RBM20: variants seen among roughly 807,000 people sequenced by gnomAD.
RBM20 encodes RNA binding motif protein 20.
In RBM20, 51 loss-of-function variants were observed where a neutral mutation model predicts 110.1. The observed-to-expected ratio is 0.46, with a 90% CI of 0.37 to 0.59. The LOEUF is 0.59. RBM20 is among the 20% of genes least tolerant of loss of function. RBM20 has a pLI of 0.00. For synonymous variants in RBM20, 589 were observed against 618.2 expected (o/e 0.95, Z 0.70); for missense variants, 1,512 against 1,574.9 (o/e 0.96, Z 0.68).
intron 1 of RBM20, among the ~76,000 whole-genome samples, chr10:110,752,947 T>A (rs12247124): frequency 0.047 from 4,315 of 90,874 alleles, 57 homozygotes; most frequent in African/African-American, 0.081. Context: ...ATATATATAT[T>A]TTTTTTTTTT....
chr10:110,707,518 A>G (rs1338021477), intron 1 of RBM20, among the ~76,000 whole-genome samples: 1 of 152,234 alleles, frequency 6.6e-6, no homozygotes, highest in Non-Finnish European at 1.5e-5. Context: ...CACAGAATGA[A>G]TGGTTTTAAA....
intron 1 of RBM20, among the ~76,000 whole-genome samples, chr10:110,743,280 T>C (rs1276085843): frequency 1.3e-5 from 2 of 152,350 alleles, no homozygotes; most frequent in East Asian, 3.9e-4. Context: ...TAAATCAATT[T>C]CTGTTTTGCA....
At position 110,781,776 on chromosome 10, in the gene RBM20, A is replaced by G; in HGVS notation, c.1167A>G (p.Leu389=). 5 of 1,551,812 alleles carry G rather than the reference A, an allele frequency of 3.2e-6. No individual in the cohort carries two copies. The highest frequency in any genetic ancestry group is 2.4e-5 in the East Asian group (1 of 40,922). Residue 389 remains leucine, a synonymous_variant, in exon 2 of 14, where the codon CTA becomes CTG. Coordinates refer to ENST00000369519, the MANE Select transcript of RBM20 (RefSeq NM_001134363.3). ...GGGCCAAGGAGGACCAGGCGTTGCTATCTGTGCGGCCCCTGCAGGCTCATG... is the reference window on the plus strand; with the variant it reads ...GGGCCAAGGAGGACCAGGCGTTGCTGTCTGTGCGGCCCCTGCAGGCTCATG... ...GRRAKEDQAL[L]SVRPLQAHEL...
Position 110,780,966 on chromosome 10 carries a change from C to G in RBM20, c.357C>G (p.Val119=), listed in dbSNP as rs1844331511. 6.4e-7 allele frequency: 1 copy of G among 1,551,628 alleles called. No individual in the cohort carries two copies. Among genetic ancestry groups the G allele is most frequent in the African/African-American group, 1.4e-5 (1 of 73,050 alleles). ...AVTNNTAAAT[V]LNQVLSKVAM... The stretch of plus-strand genomic sequence containing the variant: ...CCAACAACACTGCAGCCGCCACAGT[C>G]CTGAACCAAGTCCTCTCCAAAGTGG... Residue 119 remains valine (V), a synonymous_variant, in exon 2 of 14, where the codon GTC becomes GTG. Transcript: ENST00000369519.
chr10:110,801,069 T>C (rs1472113506), intron 7 of RBM20, among the ~76,000 whole-genome samples: 1 of 152,208 alleles, frequency 6.6e-6, no homozygotes, highest in African/African-American at 2.4e-5. Context: ...TACCTCAACT[T>C]TCCTAGATGA....
intron 4 of RBM20, 83 bp downstream of exon 4, chr10:110,784,515 G>C: frequency 9.8e-7 from 1 of 1,020,278 alleles, no homozygotes; most frequent in South Asian, 1.4e-5. Context: ...TAATAACCAG[G>C]ACTTCCCTGA....
upstream of RBM20, among the ~76,000 whole-genome samples, chr10:110,644,034 C>A (rs1001293874): frequency 1.4e-4 from 21 of 152,172 alleles, no homozygotes; most frequent in Admixed American, 2.6e-4. This position sits in a 1 kb window ranked among gnomAD's most constrained non-coding sequence, Gnocchi z 4.3. Flanking sequence ...CCGCGGGCTG[C>A]GTGTGTCGCC....
At chr10:110,770,908 G>A (rs1236357341) in intron 1 of RBM20, among the ~76,000 whole-genome samples, 2 of 152,192 alleles carry the variant, frequency 1.3e-5, no homozygotes, top group African/African-American at 2.4e-5. Context: ...AAGGAAAAAC[G>A]TGACAAGAAG....
At position 110,817,094 on chromosome 10, in the gene RBM20, G is replaced by A. The variant is rs529798225; in HGVS notation, c.2551-2978G>A. Among the ~76,000 whole-genome samples the A allele has an allele frequency of 4.6e-5, 7 of 152,312 alleles. No homozygotes were observed. In the South Asian group the frequency reaches 1.5e-3, roughly 32 times the overall value. On this transcript the variant is annotated intron_variant, in intron 9 of 13. Transcript: ENST00000369519. The stretch of plus-strand genomic sequence containing the variant: ...AAGAAACACTGCTACATCCTACTGG[G>A]AGGGAGGGTTCGAGAGTGGCAGGCC...
At chr10:110,735,835 A>G (rs1843665090) in intron 1 of RBM20, among the ~76,000 whole-genome samples, 1 of 152,200 alleles carries the variant, frequency 6.6e-6, no homozygotes. Flanking sequence ...ATTAACATGT[A>G]TCTTAGTAGG....
chr10:110,817,762 T>G (rs1364232053), intron 9 of RBM20, among the ~76,000 whole-genome samples: 1 of 152,192 alleles, frequency 6.6e-6, no homozygotes, highest in African/African-American at 2.4e-5. Flanking sequence ...GAGTATTGAC[T>G]GGGTGAAAAG....
At chr10:110,746,084 G>C (rs1156603933) in intron 1 of RBM20, among the ~76,000 whole-genome samples, 1 of 152,144 alleles carries the variant, frequency 6.6e-6, no homozygotes, top group African/African-American at 2.4e-5. Context: ...GTTTGGTAGC[G>C]ATTCGGCTGG....
At chr10:110,701,229 A>G (rs372665063) in intron 1 of RBM20, among the ~76,000 whole-genome samples, 6 of 151,988 alleles carry the variant, frequency 3.9e-5, no homozygotes, top group African/African-American at 1.4e-4. Context: ...TCTTTCTCAA[A>G]ATTACAGATT....
intron 1 of RBM20, among the ~76,000 whole-genome samples, chr10:110,751,912 C>A (rs1843858896): frequency 6.6e-6 from 1 of 151,946 alleles, no homozygotes; most frequent in Non-Finnish European, 1.5e-5. Context: ...AGCAGGTTCA[C>A]AGCAAAGTTG....
intron 1 of RBM20, among the ~76,000 whole-genome samples, chr10:110,731,149 A>C (rs1223944865): frequency 1.3e-5 from 2 of 152,170 alleles, no homozygotes; most frequent in South Asian, 2.1e-4. Flanking sequence ...GGTACTCTGC[A>C]TGAGGCCACT....
At position 110,781,665 on chromosome 10, in the gene RBM20, C is replaced by T. The variant is rs397516590; in HGVS notation, c.1056C>T (p.Pro352=). 3.0e-5 allele frequency: 47 copies of T among 1,548,106 alleles called. No individual in the cohort carries two copies. Among genetic ancestry groups the T allele is most frequent in the Non-Finnish European group, 7.9e-6 (9 of 1,144,600 alleles). ...PHNQPYELYD[P]EEPTSDRTPP... ...ACCAGCCCTATGAGCTGTACGACCC[C>T]GAGGAACCAACCTCAGACAGGACAC... Residue 352 remains proline (P), a synonymous_variant, in exon 2 of 14, where the codon CCC becomes CCT. Transcript: ENST00000369519.
chr10:110,721,121 G>A lies in RBM20; in HGVS notation c.192-59680G>A, dbSNP rs572933471. Among the ~76,000 whole-genome samples, 25 of 152,280 alleles carry A rather than the reference G, an allele frequency of 1.6e-4. 1 individual carries two copies. The highest frequency in any genetic ancestry group is 3.9e-4 in the African/African-American group (16 of 41,556). ...TCCCTGGCCCTATCTCAAGCACCCC[G>A]TAATCCCTTTTCACTCTCTGTCCCC... is the stretch of plus-strand genomic sequence containing the variant. On this transcript the variant is annotated intron_variant, in intron 1 of 13. Coordinates refer to ENST00000369519, the MANE Select transcript of RBM20 (RefSeq NM_001134363.3).
At chr10:110,727,983 A>G (rs1026764125) in intron 1 of RBM20, among the ~76,000 whole-genome samples, 3 of 152,228 alleles carry the variant, frequency 2.0e-5, no homozygotes, top group Non-Finnish European at 4.4e-5. Context: ...ACATGAACTC[A>G]TTCTTTTTTA....
intron 12 of RBM20, among the ~76,000 whole-genome samples, chr10:110,823,961 A>G (rs1288806678): frequency 6.6e-6 from 1 of 151,130 alleles, no homozygotes; most frequent in Admixed American, 6.6e-5. Flanking sequence ...TCCTGGGCTT[A>G]AGTGATCCTC....
Sources: allele counts gnomAD v4.1 joint callset (sites outside exome capture counted in the v4.1 genomes callset), GRCh38; gene constraint gnomAD v4.1.1; non-coding constraint Gnocchi (gnomAD v3.1); transcripts MANE v1.5; gene names NCBI Gene and HGNC (gene_info 2026-07-23, HGNC 2026-07-21).